Variants in HEPACAM2 observed in about 807,000 individuals in gnomAD.
HEPACAM2 encodes the protein mitotic kinetics regulator.
A neutral mutation model predicts 49.6 loss-of-function variants in HEPACAM2; 49 were observed. That is an observed-to-expected ratio of 0.99 (90% CI 0.78 to 1.25). The LOEUF is 1.25. Ranked by LOEUF, HEPACAM2 falls within the 50% of genes most tolerant of loss-of-function variation. The probability of loss-of-function intolerance (pLI) is 0.00; values close to 1 mark genes in which losing one functional copy is unlikely to be tolerated. For synonymous variants in HEPACAM2, 197 were observed against 202.9 expected (o/e 0.97, Z 0.25); for missense variants, 525 against 557.2 (o/e 0.94, Z 0.58).
At chr7:93,229,945 G>A (rs1794595292), upstream of HEPACAM2, among the ~76,000 whole-genome samples, 1 of 152,094 alleles carries the variant, frequency 6.6e-6, no homozygotes. Flanking sequence ...AGAAAATATA[G>A]TTTATTTAGA....
At chr7:93,222,904 C>A (rs1794476954) in intron 1 of HEPACAM2, among the ~76,000 whole-genome samples, 1 of 152,092 alleles carries the variant, frequency 6.6e-6, no homozygotes, top group Non-Finnish European at 1.5e-5. Flanking sequence ...GTTTTTGGTT[C>A]ATATATTAAG....
At chr7:93,195,252 G>A (rs1361533186) in intron 8 of HEPACAM2, among the ~76,000 whole-genome samples, 1 of 152,104 alleles carries the variant, frequency 6.6e-6, no homozygotes, top group Non-Finnish European at 1.5e-5. Flanking sequence ...ATTTGAGACA[G>A]GGTCTTACTC....
chr7:93,223,318 A>G (rs1006376058), intron 1 of HEPACAM2, among the ~76,000 whole-genome samples: 2 of 152,168 alleles, frequency 1.3e-5, no homozygotes, highest in Non-Finnish European at 2.9e-5. Context: ...AGAAATGTTG[A>G]TGACTTTTGG....
At chr7:93,197,723 A>G (rs963886980) in intron 4 of HEPACAM2, 113 bp from the exon 5 acceptor site, 4 of 711,574 alleles carry the variant, frequency 5.6e-6, no homozygotes, top group African/African-American at 1.8e-5. Context: ...ATAAACACGT[A>G]TATTAGAGAC....
intron 8 of HEPACAM2, among the ~76,000 whole-genome samples, chr7:93,195,223 GT>G (rs1166794574): frequency 6.6e-6 from 1 of 152,000 alleles, no homozygotes; most frequent in Non-Finnish European, 1.5e-5. Context: ...CTGATCCGCT[GT>G]TTATTCAGTA....
intron 8 of HEPACAM2, 123 bp downstream of exon 8, chr7:93,195,705 T>C (rs1793695682): frequency 1.4e-6 from 1 of 735,738 alleles, no homozygotes; most frequent in Admixed American, 2.2e-5. Flanking sequence ...TCAACACTGC[T>C]TAATGCAGTA....
chr7:93,230,625 T>G (rs1278908570), upstream of HEPACAM2, among the ~76,000 whole-genome samples: 1 of 152,246 alleles, frequency 6.6e-6, no homozygotes, highest in Non-Finnish European at 1.5e-5. Context: ...GGTTTTATTT[T>G]ATAGGCTAAT....
intron 4 of HEPACAM2, among the ~76,000 whole-genome samples, chr7:93,206,597 G>A (rs1277475336): frequency 2.0e-5 from 3 of 151,950 alleles, no homozygotes; most frequent in Non-Finnish European, 2.9e-5. Context: ...CACTAAACAT[G>A]TGGCTATTTA....
chr7:93,215,929 A>G (rs7787837), intron 2 of HEPACAM2, among the ~76,000 whole-genome samples: 12,671 of 152,200 alleles, frequency 0.083, 603 homozygotes, highest in East Asian at 0.2. Flanking sequence ...TTACTTTTCA[A>G]GGATGGTCTA....
intron 8 of HEPACAM2, 111 bp downstream of exon 8, chr7:93,195,717 T>C: frequency 1.3e-6 from 1 of 777,330 alleles, no homozygotes; most frequent in East Asian, 2.5e-5. Context: ...AATGCAGTAA[T>C]GGGTAATGCA....
intron 4 of HEPACAM2, among the ~76,000 whole-genome samples, chr7:93,208,344 C>T (rs1229181854): frequency 6.6e-6 from 1 of 151,958 alleles, no homozygotes; most frequent in Non-Finnish European, 1.5e-5. Flanking sequence ...TGTGGAATTC[C>T]CTTTTTCTTC....
intron 1 of HEPACAM2, 128 bp from the exon 2 acceptor site, chr7:93,219,579 A>C: frequency 6.7e-7 from 1 of 1,489,810 alleles, no homozygotes; most frequent in Non-Finnish European, 8.9e-7. Flanking sequence ...GGTACTGACT[A>C]TTCTAGTACT....
chr7:93,194,055 T>C (rs145716691), intron 8 of HEPACAM2, among the ~76,000 whole-genome samples: 2 of 152,286 alleles, frequency 1.3e-5, no homozygotes, highest in Non-Finnish European at 2.9e-5. Flanking sequence ...GCTTTGAAGA[T>C]GGACATGGCT....
Position 93,206,500 on chromosome 7 carries a change from G to A in HEPACAM2, c.1012+2080C>T, listed in dbSNP as rs1452822283. Among the ~76,000 whole-genome samples the A allele has an allele frequency of 2.0e-5, 3 of 151,928 alleles. No individual in the cohort carries two copies. The East Asian group carries it at 5.8e-4, about 29-fold the overall frequency. On this transcript the variant is annotated intron_variant, in intron 4 of 9. Coordinates refer to ENST00000394468, the MANE Select transcript of HEPACAM2 (RefSeq NM_001039372.4). ...ACCCTAAAACACATATGCTTTTTGG[G>A]TCTACAAGAAATATATATTATTATC...
At chr7:93,229,891 C>T (rs1461690935), upstream of HEPACAM2, among the ~76,000 whole-genome samples, 4 of 152,092 alleles carry the variant, frequency 2.6e-5, no homozygotes, top group Middle Eastern at 3.4e-3. Context: ...AAATGAATAA[C>T]GTAAGGTTCA....
rs149504197 is a variant in HEPACAM2, at chr7:93,225,975, T to C, written c.79+393A>G. 2.1e-4 allele frequency: 248 copies of C among 1,168,500 alleles called. 1 individual carries two copies. The African/African-American group carries it at 3.4e-3, about 16-fold the overall frequency. The allele number at this position is 1,168,500 out of a possible 1,614,324, so 72.4% of individuals were successfully genotyped here. On this transcript the variant is annotated intron_variant, in intron 1 of 9. Transcript: ENST00000394468. The stretch of plus-strand genomic sequence containing the variant: ...ATCTTTAATTAAAAAGAAAACAATT[T>C]TCGTAAATTATTTGTAGTTTCACTC...
chr7:93,210,117 T>G (rs570408507), intron 3 of HEPACAM2, among the ~76,000 whole-genome samples: 1 of 151,950 alleles, frequency 6.6e-6, no homozygotes, highest in African/African-American at 2.4e-5. Flanking sequence ...TTTAAAAAAT[T>G]CTTCTCCTAG....
At chr7:93,198,469 C>T (rs1008909071) in intron 4 of HEPACAM2, among the ~76,000 whole-genome samples, 2 of 152,064 alleles carry the variant, frequency 1.3e-5, no homozygotes, top group African/African-American at 4.8e-5. Context: ...TGATGCCTCC[C>T]TTTAATATAA....
At position 93,213,234 on chromosome 7, in the gene HEPACAM2, C is replaced by A. The variant is rs185132364; in HGVS notation, c.715+2167G>T. Among the ~76,000 whole-genome samples, 440 of 152,080 alleles carry A rather than the reference C, an allele frequency of 2.9e-3. 10 individuals are homozygous for A. Among genetic ancestry groups the A allele is most frequent in the Non-Finnish European group, 1.4e-3 (96 of 67,972 alleles). ...ACTGGGTTATTATTTACAACTGGAG[C>A]TTGAAGGCATATCATGAACTGCAAG... On this transcript the variant is annotated intron_variant, in intron 3 of 9. Transcript: ENST00000394468.
Sources: allele counts gnomAD v4.1 joint callset (sites outside exome capture counted in the v4.1 genomes callset), GRCh38; gene constraint gnomAD v4.1.1; transcripts MANE v1.5; gene names NCBI Gene and HGNC (gene_info 2026-07-23, HGNC 2026-07-21).